Variants in NBAS observed in about 807,000 individuals in gnomAD.
The protein encoded by NBAS is NAG/BC035112 fusion.
Under a neutral mutation model 302.5 loss-of-function variants are expected in NBAS, and 219 were observed. The ratio of observed to expected loss-of-function variants is 0.72; its 90% confidence interval spans 0.65 to 0.81. The LOEUF is 0.81. Among genes scored for constraint, NBAS ranks in the 30% least tolerant of loss-of-function variants. The probability of loss-of-function intolerance (pLI) is 0.00; values close to 1 mark genes in which losing one functional copy is unlikely to be tolerated. For synonymous variants in NBAS, 1,118 were observed against 1,021.6 expected, an observed-to-expected ratio of 1.09 and a Z score of -1.80; for missense variants, 2,932 against 2,841.6, an observed-to-expected ratio of 1.03 and a Z score of -0.72.
At chr2:14,856,625 A>G in the NBAS span, among the ~76,000 whole-genome samples, 1 of 152,184 alleles carries the variant, frequency 6.6e-6, no homozygotes, top group South Asian at 2.1e-4. Context: ...AAGAGAATTA[A>G]GCAGAAATTC....
intron 42 of NBAS, among the ~76,000 whole-genome samples, chr2:15,282,590 T>A (rs1315022095): frequency 2.0e-5 from 3 of 152,124 alleles, no homozygotes; most frequent in Non-Finnish European, 4.4e-5. Flanking sequence ...GAAACAACAG[T>A]AAACTCACCA....
chr2:14,919,447 TA>T, the NBAS span, among the ~76,000 whole-genome samples: 1 of 152,200 alleles, frequency 6.6e-6, no homozygotes, highest in South Asian at 2.1e-4. Context: ...TGGTAGTTGC[TA>T]AAGGCTGCCA....
the NBAS span, among the ~76,000 whole-genome samples, chr2:14,921,230 A>C: frequency 6.6e-6 from 1 of 152,176 alleles, no homozygotes; most frequent in Non-Finnish European, 1.5e-5. Context: ...GAGCAGTCAG[A>C]ACACACACAA....
chr2:14,910,962 C>T, the NBAS span, among the ~76,000 whole-genome samples: 1 of 152,224 alleles, frequency 6.6e-6, no homozygotes, highest in Non-Finnish European at 1.5e-5. Context: ...AGAGGAGTCT[C>T]AAGTTAGTGA....
intron 28 of NBAS, among the ~76,000 whole-genome samples, chr2:15,387,962 C>T (rs916223450): frequency 6.6e-6 from 1 of 152,108 alleles, no homozygotes; most frequent in Non-Finnish European, 1.5e-5. Context: ...TTAAGCAACA[C>T]AGTAAATATT....
chr2:15,400,910 GTCTC>G (rs772438276), intron 26 of NBAS, among the ~76,000 whole-genome samples: 2 of 152,076 alleles, frequency 1.3e-5, no homozygotes. Context: ...TATTTACCTT[GTCTC>G]TCTATTTCCC....
At chr2:15,054,917 A>T in the NBAS span, among the ~76,000 whole-genome samples, 1 of 152,226 alleles carries the variant, frequency 6.6e-6, no homozygotes, top group Non-Finnish European at 1.5e-5. Flanking sequence ...TAAATTTGGG[A>T]CTGAGATTAT....
chr2:15,191,807 A>G (rs901148259), intron 48 of NBAS, among the ~76,000 whole-genome samples: 4 of 152,172 alleles, frequency 2.6e-5, no homozygotes, highest in Admixed American at 1.3e-4. Context: ...AACTTAAAAA[A>G]CCAAAAACAA....
the NBAS span, among the ~76,000 whole-genome samples, chr2:15,043,291 C>T: frequency 1.3e-5 from 2 of 152,150 alleles, no homozygotes; most frequent in South Asian, 2.1e-4. Flanking sequence ...GACCCCTGCA[C>T]GTTTAGCTTG....
the NBAS span, among the ~76,000 whole-genome samples, chr2:14,848,296 C>T: frequency 8.5e-5 from 12 of 140,748 alleles, no homozygotes; most frequent in African/African-American, 2.5e-4. Flanking sequence ...GTTCCCTTTC[C>T]GAGTCAAAGA....
the NBAS span, among the ~76,000 whole-genome samples, chr2:14,786,605 G>A: frequency 6.6e-6 from 1 of 152,144 alleles, no homozygotes. Flanking sequence ...GGAGCAGGTT[G>A]TTCAGTTTGC....
At chr2:15,407,973 A>G (rs569397870) in intron 25 of NBAS, among the ~76,000 whole-genome samples, 18 of 152,140 alleles carry the variant, frequency 1.2e-4, no homozygotes, top group Non-Finnish European at 2.4e-4. Context: ...CCCTTTCTCT[A>G]TCTTCAAAGA....
At chr2:15,358,463 G>A (rs1019478485) in intron 32 of NBAS, among the ~76,000 whole-genome samples, 7 of 152,026 alleles carry the variant, frequency 4.6e-5, no homozygotes, top group African/African-American at 1.7e-4. Flanking sequence ...TATTTATTTA[G>A]AGATGTGGTT....
chr2:15,045,847 T>C, the NBAS span, among the ~76,000 whole-genome samples: 1 of 152,198 alleles, frequency 6.6e-6, no homozygotes, highest in Non-Finnish European at 1.5e-5. Flanking sequence ...AAGAGTTTCT[T>C]TTTCTCTACC....
intron 34 of NBAS, among the ~76,000 whole-genome samples, chr2:15,352,964 G>A (rs966994814): frequency 2.6e-5 from 4 of 152,106 alleles, no homozygotes; most frequent in Non-Finnish European, 5.9e-5. Flanking sequence ...CTGGTGGGGT[G>A]TGGGGGCCCT....
chr2:15,257,932 G>A (rs1668676474), intron 44 of NBAS, among the ~76,000 whole-genome samples: 1 of 152,078 alleles, frequency 6.6e-6, no homozygotes. Context: ...TCTAACAATA[G>A]TCATCCAAGA....
rs150030912 is a variant in NBAS, at chr2:15,167,193, C to A, written c.6971G>T (p.Arg2324Leu). The change falls in exon 52 of 52, where the codon CGC becomes CTC. Residue 2324 changes from arginine to leucine, a missense_variant. Coordinates refer to ENST00000281513, the MANE Select transcript of NBAS (RefSeq NM_015909.4). The part of the protein sequence containing the change: ...DHLLASLQQG[R>L]WDAEELGRHL... ...TCTGCCCAGCTCCTCTGCATCCCAGCGCCCTTGCTGGAGGCTAGCCAAGAG... is the reference window on the plus strand; with the variant it reads ...TCTGCCCAGCTCCTCTGCATCCCAGAGCCCTTGCTGGAGGCTAGCCAAGAG... The A allele has an allele frequency of 1.9e-6, 3 of 1,614,126 alleles. No individual in the cohort carries two copies. Among genetic ancestry groups the A allele is most frequent in the African/African-American group, 1.3e-5 (1 of 74,936 alleles).
intron 48 of NBAS, among the ~76,000 whole-genome samples, chr2:15,194,096 G>C (rs1665494874): frequency 6.6e-6 from 1 of 151,914 alleles, no homozygotes; most frequent in Admixed American, 6.6e-5. Flanking sequence ...CCCATTTGCA[G>C]TCAGAATCCC....
chr2:14,950,171 T>C, the NBAS span, among the ~76,000 whole-genome samples: 1 of 152,170 alleles, frequency 6.6e-6, no homozygotes, highest in South Asian at 2.1e-4. Flanking sequence ...TCCCTTCCAC[T>C]CTTCCCCCTG....
Sources: gnomAD v4.1 joint callset for allele counts (sites outside exome capture counted in the v4.1 genomes callset) on GRCh38, gnomAD v4.1.1 for gene constraint, MANE v1.5 for transcripts, NCBI Gene and HGNC (gene_info 2026-07-23, HGNC 2026-07-21) for gene names.